The following CADM2 variants were observed in gnomAD, a reference collection of about 807,000 sequenced individuals.
CADM2 encodes the protein cell adhesion molecule 2, also known as immunoglobulin superfamily member 4D.
A neutral mutation model predicts 49.8 loss-of-function variants in CADM2; 12 were observed. The observed-to-expected ratio is 0.24, with a 90% CI of 0.15 to 0.39. The LOEUF (loss-of-function observed/expected upper bound fraction) is 0.39, where lower values mean the gene tolerates loss of function less well. Ranked by LOEUF, CADM2 falls within the 10% of genes least tolerant of loss-of-function variation. The probability of loss-of-function intolerance (pLI) is 1.00; values close to 1 mark genes in which losing one functional copy is unlikely to be tolerated. For synonymous variants in CADM2, 214 were observed against 175.4 expected (o/e 1.22, Z -1.74); for missense variants, 378 against 492.3 (o/e 0.77, Z 2.20).
chr3:85,338,436 G>T (rs1043766016), intron 1 of CADM2, among the ~76,000 whole-genome samples: 85 of 151,576 alleles, frequency 5.6e-4, no homozygotes, highest in African/African-American at 2.0e-3. Context: ...TTCATAGTAA[G>T]TAATCTGTGC....
intron 1 of CADM2, among the ~76,000 whole-genome samples, chr3:85,617,099 A>C (rs980272133): frequency 5.9e-5 from 9 of 152,102 alleles, no homozygotes; most frequent in African/African-American, 2.2e-4. Flanking sequence ...CGTGGACGCC[A>C]GCTGGGGTCC....
chr3:85,980,488 A>T lies in CADM2; in HGVS notation c.970+18841A>T, dbSNP rs531793764. Among the ~76,000 whole-genome samples the T allele has an allele frequency of 1.2e-4, 18 of 151,684 alleles. 1 individual carries two copies. The highest frequency in any genetic ancestry group is 6.8e-3 in the Middle Eastern group (2 of 292). Reference sequence around the variant, plus strand: ...ACAAGATTGATGACTAAATAAGTTTAATGGTAGTAGCAATAAGAATTTCTC... The same window carrying T: ...ACAAGATTGATGACTAAATAAGTTTTATGGTAGTAGCAATAAGAATTTCTC... On this transcript the variant is annotated intron_variant, in intron 8 of 9. Transcript: ENST00000383699.
chr3:85,820,871 G>A (rs998297105), intron 3 of CADM2, among the ~76,000 whole-genome samples: 2 of 152,180 alleles, frequency 1.3e-5, no homozygotes, highest in Admixed American at 1.3e-4. Context: ...AGGTGAGGGG[G>A]AGACAGCACT....
At chr3:85,599,637 C>A (rs1044154259) in intron 1 of CADM2, among the ~76,000 whole-genome samples, 6 of 151,712 alleles carry the variant, frequency 4.0e-5, no homozygotes, top group African/African-American at 1.4e-4. Context: ...CAATTATTTT[C>A]TGTTAAAATT....
intron 1 of CADM2, among the ~76,000 whole-genome samples, chr3:85,070,673 A>G (rs2036698259): frequency 6.6e-6 from 1 of 152,166 alleles, no homozygotes; most frequent in African/African-American, 2.4e-5. Context: ...GACTAATACT[A>G]TAAATATGGC....
chr3:85,859,224 C>CTTTTTTTTTTTTT lies in CADM2; in HGVS notation c.239-24053_239-24041dup, dbSNP rs397990427. The stretch of plus-strand genomic sequence containing the variant: ...TACCTTGTGCTTTTCTTTTTTTTGT[C>CTTTTTTTTTTTTT]TTTTTTTTTTTTTTTTTTTTTTTTT... On this transcript the variant is annotated intron_variant, in intron 3 of 9. Coordinates refer to ENST00000383699, the MANE Select transcript of CADM2 (RefSeq NM_001167675.2). Among the ~76,000 whole-genome samples, 8 of 70,604 alleles carry CTTTTTTTTTTTTT rather than the reference C, an allele frequency of 1.1e-4. 1 individual carries two copies. Among genetic ancestry groups the CTTTTTTTTTTTTT allele is most frequent in the Non-Finnish European group, 1.5e-4 (6 of 40,028 alleles). 46.3% of individuals were successfully genotyped at this position (70,604 alleles called of 152,430 possible). A position where few individuals can be genotyped will look rare whatever the true frequency, so the allele number is the denominator to read the frequency against.
At chr3:85,012,875 T>C (rs1293674732) in intron 1 of CADM2, among the ~76,000 whole-genome samples, 1 of 151,810 alleles carries the variant, frequency 6.6e-6, no homozygotes, top group Non-Finnish European at 1.5e-5. Flanking sequence ...ACAAAAAAAG[T>C]ACCAGGATTC....
intron 1 of CADM2, among the ~76,000 whole-genome samples, chr3:85,185,861 G>A (rs1466717029): frequency 6.6e-6 from 1 of 152,182 alleles, no homozygotes; most frequent in African/African-American, 2.4e-5. Flanking sequence ...ACAAGAATGA[G>A]TGAATACTTA....
intron 1 of CADM2, among the ~76,000 whole-genome samples, chr3:85,221,542 A>T (rs1168933663): frequency 6.6e-6 from 1 of 152,196 alleles, no homozygotes; most frequent in East Asian, 1.9e-4. Context: ...TAGTAGGGAA[A>T]ATTCTTGAAA....
chr3:85,467,494 T>G lies in CADM2; in HGVS notation c.62-259028T>G, dbSNP rs2038550365. ...AGCTACTCTGTAAATTGGATGTTTA[T>G]GTCAAATTTACAATGACCAGAAAAT... On this transcript the variant is annotated intron_variant, in intron 1 of 9. Coordinates refer to ENST00000383699, the MANE Select transcript of CADM2 (RefSeq NM_001167675.2). Among the ~76,000 whole-genome samples the G allele has an allele frequency of 2.0e-5, 3 of 152,164 alleles. No individual in the cohort carries two copies. The South Asian group carries it at 6.2e-4, about 31-fold the overall frequency.
At chr3:85,204,664 A>T (rs1254292911) in intron 1 of CADM2, among the ~76,000 whole-genome samples, 1 of 152,172 alleles carries the variant, frequency 6.6e-6, no homozygotes, top group East Asian at 1.9e-4. Flanking sequence ...CATGGTACCA[A>T]ATTTAACGTA....
chr3:85,693,077 C>CG (rs1225316264), intron 1 of CADM2, among the ~76,000 whole-genome samples: 2 of 151,778 alleles, frequency 1.3e-5, no homozygotes, highest in Non-Finnish European at 2.9e-5. Context: ...GGTGAAACTC[C>CG]GTCTCTACTA....
intron 1 of CADM2, among the ~76,000 whole-genome samples, chr3:85,271,844 G>T (rs956324412): frequency 6.6e-6 from 1 of 151,134 alleles, no homozygotes; most frequent in African/African-American, 2.4e-5. Flanking sequence ...CATAATAGAT[G>T]TTTTATTACT....
intron 1 of CADM2, among the ~76,000 whole-genome samples, chr3:85,082,136 T>C (rs1395202846): frequency 6.6e-6 from 1 of 152,162 alleles, no homozygotes; most frequent in African/African-American, 2.4e-5. Flanking sequence ...ATCACAAGCG[T>C]CTCTTCTGTC....
chr3:85,638,320 C>G (rs1205264795), intron 1 of CADM2, among the ~76,000 whole-genome samples: 2 of 152,020 alleles, frequency 1.3e-5, no homozygotes, highest in Admixed American at 1.3e-4. Flanking sequence ...TGGACATTTT[C>G]CAAAATTATA....
At chr3:85,292,382 A>C (rs2043824568) in intron 1 of CADM2, among the ~76,000 whole-genome samples, 1 of 150,738 alleles carries the variant, frequency 6.6e-6, no homozygotes, top group Non-Finnish European at 1.5e-5. Flanking sequence ...CAGATCAACG[A>C]GACAGAAAGT....
At chr3:85,889,683 A>G (rs1714155128) in intron 5 of CADM2, among the ~76,000 whole-genome samples, 1 of 152,158 alleles carries the variant, frequency 6.6e-6, no homozygotes, top group South Asian at 2.1e-4. Flanking sequence ...AGTACAAGGA[A>G]TCACTGAATA....
intron 8 of CADM2, among the ~76,000 whole-genome samples, chr3:86,065,376 C>T (rs1277406091): frequency 6.6e-6 from 1 of 152,188 alleles, no homozygotes; most frequent in Non-Finnish European, 1.5e-5. Context: ...CTTATCCAAT[C>T]TTTTCCTTAA....
chr3:85,767,574 A>G (rs974266244), intron 2 of CADM2, among the ~76,000 whole-genome samples: 1 of 152,158 alleles, frequency 6.6e-6, no homozygotes, highest in Admixed American at 6.6e-5. Flanking sequence ...CTTTTATTCT[A>G]TCACCCAATA....
Sources: allele counts gnomAD v4.1 joint callset (sites outside exome capture counted in the v4.1 genomes callset), GRCh38; gene constraint gnomAD v4.1.1; transcripts MANE v1.5; gene names NCBI Gene and HGNC (gene_info 2026-07-23, HGNC 2026-07-21).